The following MLLT10 variants were observed in gnomAD, a reference collection of about 807,000 sequenced individuals.
MLLT10 encodes protein AF-10.
Under a neutral mutation model 129.1 loss-of-function variants are expected in MLLT10, and 30 were observed. The observed-to-expected ratio is 0.23, with a 90% CI of 0.17 to 0.32. The LOEUF is 0.32. Ranked by LOEUF, MLLT10 falls within the 10% of genes least tolerant of loss-of-function variation. The probability of loss-of-function intolerance (pLI) is 1.00; values close to 1 mark genes in which losing one functional copy is unlikely to be tolerated. For missense variants in MLLT10, 1,119 were observed against 1,268.3 expected (o/e 0.88, Z 1.79); for synonymous variants, 490 against 446.4 (o/e 1.10, Z -1.23).
At chr10:21,719,174 G>A (rs888376659) in intron 14 of MLLT10, among the ~76,000 whole-genome samples, 1 of 152,108 alleles carries the variant, frequency 6.6e-6, no homozygotes, top group South Asian at 2.1e-4. Context: ...TGTAGTCTCC[G>A]ATTTCTTTTC....
chr10:21,685,633 T>G (rs1202251020), intron 13 of MLLT10, among the ~76,000 whole-genome samples: 1 of 152,204 alleles, frequency 6.6e-6, no homozygotes, highest in African/African-American at 2.4e-5. Context: ...TGAGCCACCG[T>G]GCCCAGCCTC....
At chr10:21,646,222 CA>C (rs571445928) in intron 8 of MLLT10, among the ~76,000 whole-genome samples, 1 of 151,814 alleles carries the variant, frequency 6.6e-6, no homozygotes, top group African/African-American at 2.4e-5. Flanking sequence ...AAAACAAAAA[CA>C]AAAAAACCCC....
chr10:21,571,337 C>T (rs1014488628), intron 3 of MLLT10, among the ~76,000 whole-genome samples: 1 of 152,222 alleles, frequency 6.6e-6, no homozygotes, highest in African/African-American at 2.4e-5. Flanking sequence ...CTCTCCAGCT[C>T]TCTACTCAGT....
chr10:21,671,700 G>C (rs1289661946), intron 10 of MLLT10, among the ~76,000 whole-genome samples: 2 of 152,154 alleles, frequency 1.3e-5, no homozygotes, highest in Non-Finnish European at 2.9e-5. Context: ...TGGGAGGATT[G>C]CTTGAGCCCA....
chr10:21,604,186 C>G (rs543827254), intron 5 of MLLT10, among the ~76,000 whole-genome samples: 1 of 152,310 alleles, frequency 6.6e-6, no homozygotes, highest in East Asian at 1.9e-4. Flanking sequence ...GATGTAAACT[C>G]TGTAAGTAAG....
intron 21 of MLLT10, chr10:21,738,684 C>T: frequency 2.1e-6 from 1 of 474,662 alleles, no homozygotes; most frequent in Non-Finnish European, 2.8e-6. Context: ...ATCTTAACGT[C>T]ACCTGGCAAC....
chr10:21,657,895 GTTTC>G (rs2049772123), intron 9 of MLLT10, among the ~76,000 whole-genome samples: 1 of 151,938 alleles, frequency 6.6e-6, no homozygotes, highest in Non-Finnish European at 1.5e-5. Context: ...AAATTTTAAT[GTTTC>G]TTTAAGGATC....
rs1589714948 is a variant in MLLT10 at position 21,701,326 on chromosome 10, A to T, written c.1700-12446A>T. On this transcript the variant is annotated intron_variant, in intron 13 of 22. Transcript: ENST00000307729. ...TGAGAGGGAGAGGGGGTCTCTGTCT[A>T]ATCTTCATTATATCTTTTCTTCTGC... 2.3e-5 allele frequency among the ~76,000 whole-genome samples: 3 copies of T among 129,884 alleles called. No homozygotes were observed. The Middle Eastern group carries it at 0.014, about 585-fold the overall frequency. 85.2% of individuals were successfully genotyped at this position (129,884 alleles called of 152,430 possible).
At chr10:21,689,617 A>G (rs1436095805) in intron 13 of MLLT10, among the ~76,000 whole-genome samples, 3 of 137,862 alleles carry the variant, frequency 2.2e-5, no homozygotes, top group Non-Finnish European at 4.6e-5. Context: ...ATATATATAT[A>G]TACACACACA....
rs765040759 is a variant in MLLT10, at chr10:21,556,682, G to A, written c.240+17770G>A. 3.1e-6 allele frequency: 5 copies of A among 1,612,266 alleles called. No homozygotes were observed. The African/African-American group carries it at 4.0e-5, about 13-fold the overall frequency. ...CTGTTGGTTAGCCTCATCTGAAAAC[G>A]TCACTCCTGGATACATAGAACATCA... is the stretch of plus-strand genomic sequence containing the variant. On this transcript the variant is annotated intron_variant, in intron 3 of 22. Transcript: ENST00000307729.
At chr10:21,612,492 A>G (rs1177173087) in intron 6 of MLLT10, 41 bp downstream of exon 6, 68 of 1,265,612 alleles carry the variant, frequency 5.4e-5, no homozygotes, top group Non-Finnish European at 6.9e-5. Flanking sequence ...GAACTTGGTA[A>G]ATACCTTGTG....
chr10:21,739,802 A>G (rs1483171859), intron 21 of MLLT10, among the ~76,000 whole-genome samples: 2 of 152,164 alleles, frequency 1.3e-5, no homozygotes, highest in Admixed American at 6.5e-5. Context: ...ATAACCTAAT[A>G]GAGCTCTCCT....
chr10:21,687,598 A>G lies in MLLT10; in HGVS notation c.1699+5341A>G, dbSNP rs147903369. Among the ~76,000 whole-genome samples the G allele has an allele frequency of 7.9e-5, 12 of 152,300 alleles. No individual in the cohort carries two copies. In the East Asian group the frequency reaches 2.3e-3, roughly 29 times the overall value. On this transcript the variant is annotated intron_variant, in intron 13 of 22. Transcript: ENST00000307729. ...GTAAACTGTCACATCCTAGGATACA[A>G]CAAGTGCTACGAAGTTTGTTTCAAT...
At chr10:21,716,575 T>G (rs1220280787) in intron 14 of MLLT10, among the ~76,000 whole-genome samples, 1 of 152,010 alleles carries the variant, frequency 6.6e-6, no homozygotes, top group Non-Finnish European at 1.5e-5. Flanking sequence ...AAGCCTGTAG[T>G]TCCAGCTACT....
chr10:21,712,223 T>TA (rs2056166057), intron 13 of MLLT10, among the ~76,000 whole-genome samples: 2 of 151,982 alleles, frequency 1.3e-5, no homozygotes, highest in Non-Finnish European at 2.9e-5. Context: ...TTTATTTATT[T>TA]TTAAAGACAG....
intron 6 of MLLT10, among the ~76,000 whole-genome samples, chr10:21,613,213 A>G (rs986332864): frequency 2.0e-5 from 3 of 151,644 alleles, no homozygotes; most frequent in Admixed American, 2.0e-4. Context: ...AAAAAAAAAA[A>G]AAAAAGATAT....
chr10:21,605,923 T>G lies in MLLT10; in HGVS notation c.406-6425T>G, dbSNP rs116084955. Reference sequence around the variant, plus strand: ...ATTGTACTTCACAGGAAATTGCATGTTTTTTTTCTTTTTTACCGAATTGAA... The same window carrying G: ...ATTGTACTTCACAGGAAATTGCATGGTTTTTTTCTTTTTTACCGAATTGAA... On this transcript the variant is annotated intron_variant, in intron 5 of 22. Coordinates refer to ENST00000307729, the MANE Select transcript of MLLT10 (RefSeq NM_001195626.3). Among the ~76,000 whole-genome samples, 1,377 of 152,112 alleles carry G rather than the reference T, an allele frequency of 9.1e-3. 14 individuals carry two copies. Among genetic ancestry groups the G allele is most frequent in the African/African-American group, 0.031 (1,284 of 41,486 alleles).
chr10:21,730,853 C>A, intron 16 of MLLT10, 47 bp from the exon 17 acceptor site: 1 of 1,609,852 alleles, frequency 6.2e-7, no homozygotes, highest in Non-Finnish European at 8.5e-7. Flanking sequence ...ACTGTACTCT[C>A]TTAAAAGCAT....
chr10:21,659,586 C>T (rs2049964441), intron 9 of MLLT10, among the ~76,000 whole-genome samples: 2 of 149,930 alleles, frequency 1.3e-5, no homozygotes, highest in Non-Finnish European at 3.0e-5. Flanking sequence ...TCTCGGCTCA[C>T]TGCAGTCTTT....
Sources: allele counts gnomAD v4.1 joint callset (sites outside exome capture counted in the v4.1 genomes callset), GRCh38; gene constraint gnomAD v4.1.1; transcripts MANE v1.5; gene names NCBI Gene and HGNC (gene_info 2026-07-23, HGNC 2026-07-21).